The following CENPE variants were observed in gnomAD, a reference collection of about 807,000 sequenced individuals.
CENPE encodes the protein centromere protein E.
CENPE carries 145 observed loss-of-function variants against 336.1 expected under a neutral mutation model. The observed-to-expected ratio is 0.43, with a 90% CI of 0.38 to 0.50. The LOEUF is 0.50. Ranked by LOEUF, CENPE falls within the 20% of genes least tolerant of loss-of-function variation. The pLI, the probability that CENPE is intolerant of heterozygous loss-of-function variation, is 0.00. For synonymous variants in CENPE, 1,013 were observed against 984.8 expected, an observed-to-expected ratio of 1.03 and a Z score of -0.54; for missense variants, 2,719 against 3,023.3, an observed-to-expected ratio of 0.90 and a Z score of 2.36.
intron 2 of CENPE, 145 bp from the exon 3 acceptor site, chr4:103,196,397 A>G: frequency 1.4e-6 from 1 of 693,088 alleles, no homozygotes; most frequent in Non-Finnish European, 2.4e-6. Flanking sequence ...ATTTTTTTCA[A>G]CTTTTTGGTT....
chr4:103,173,698 C>T (rs1755619188), intron 16 of CENPE, among the ~76,000 whole-genome samples: 1 of 124,014 alleles, frequency 8.1e-6, no homozygotes. Context: ...AAAAAAACCC[C>T]CAAACAACCC....
chr4:103,158,995 G>A lies in CENPE; in HGVS notation c.2601+15C>T. 1 of 1,531,484 alleles carries A rather than the reference G, an allele frequency of 6.5e-7. No homozygotes were observed. The highest frequency in any genetic ancestry group is 8.7e-7 in the Non-Finnish European group (1 of 1,146,476). 94.9% of individuals were successfully genotyped at this position (1,531,484 alleles called of 1,614,324 possible). ...AGACTAAGGAGCATTTCTCAAAATA[G>A]CATCTTGTACCAACCTCGGTCTTCA... On this transcript the variant is annotated intron_variant, in intron 22 of 48. Coordinates refer to ENST00000265148, the MANE Select transcript of CENPE (RefSeq NM_001813.3).
chr4:103,188,213 A>C (rs1260504378), intron 8 of CENPE, among the ~76,000 whole-genome samples: 2 of 152,212 alleles, frequency 1.3e-5, no homozygotes, highest in Non-Finnish European at 2.9e-5. Flanking sequence ...TTAACACCCC[A>C]CTGTCAACGT....
At chr4:103,193,393 A>G (rs1757511690) in intron 8 of CENPE, among the ~76,000 whole-genome samples, 1 of 152,158 alleles carries the variant, frequency 6.6e-6, no homozygotes, top group East Asian at 1.9e-4. Context: ...GTAATTAATA[A>G]TCTAATTTTA....
chr4:103,149,157 T>G lies in CENPE; in HGVS notation c.3648A>C (p.Arg1216Ser). Residue 1216 changes from arginine (R) to serine (S), a missense_variant, in exon 27 of 49, where the codon AGA (arginine) becomes AGC (serine). By Grantham distance (110) the Arg-to-Ser change is moderately radical. Around this residue, in one of 5 missense-constraint regions of CENPE, gnomAD observed 2,437 missense variants for 2,513.3 expected, o/e 0.97. Transcript: ENST00000265148. Reference protein sequence around the residue: ...KELQKSFETERDHLRGYIREI... With the variant: ...KELQKSFETESDHLRGYIREI... ...CTCTTATATATCCTCTAAGGTGGTC[T>G]CTCTCTGTTTCAAATGACTTCTGTA... 1 of 1,606,952 alleles carries G rather than the reference T, an allele frequency of 6.2e-7. No individual in the cohort carries two copies. The highest frequency in any genetic ancestry group is 8.5e-7 in the Non-Finnish European group (1 of 1,178,808).
At position 103,147,619 on chromosome 4, in the gene CENPE, A is replaced by G; in HGVS notation, c.3871T>C (p.Leu1291=). 1 of 1,612,548 alleles carries G rather than the reference A, an allele frequency of 6.2e-7. No homozygotes were observed. The highest frequency in any genetic ancestry group is 8.5e-7 in the Non-Finnish European group (1 of 1,179,884). ...EIPVLHEEQE[L]LPNVKEVSET... is the part of the protein sequence containing the mutation. ...CTGACTTCTTTCACATTAGGCAGTA[A>G]CTCTTGTTCCTCATGAAGCACTGGG... Residue 1291 remains leucine (L), a synonymous_variant, in exon 29 of 49, where the codon TTA becomes CTA. Coordinates refer to ENST00000265148, the MANE Select transcript of CENPE (RefSeq NM_001813.3).
In CENPE at chr4:103,166,257, C is replaced by G. The variant is rs544561144; in HGVS notation, c.1648-2704G>C. Among the ~76,000 whole-genome samples the G allele has an allele frequency of 2.6e-5, 4 of 152,296 alleles. No homozygotes were observed. The East Asian group carries it at 7.7e-4, about 29-fold the overall frequency. On this transcript the variant is annotated intron_variant, in intron 16 of 48. Coordinates refer to ENST00000265148, the MANE Select transcript of CENPE (RefSeq NM_001813.3). ...TACAGGAAGCCCTGAGATTCAGTGA[C>G]TTGCCCAAGGCCTTGGCAACAATTC...
chr4:103,191,830 GA>G (rs760078154), intron 8 of CENPE, among the ~76,000 whole-genome samples: 5 of 150,568 alleles, frequency 3.3e-5, no homozygotes, highest in East Asian at 1.9e-4. Flanking sequence ...CGTAAAACTG[GA>G]AAAAAAAAGA....
At chr4:103,172,934 A>G (rs1372427995) in intron 16 of CENPE, among the ~76,000 whole-genome samples, 2 of 152,090 alleles carry the variant, frequency 1.3e-5, no homozygotes, top group Middle Eastern at 3.2e-3. Flanking sequence ...CATATTGCCC[A>G]AAGTGATCCA....
intron 42 of CENPE, among the ~76,000 whole-genome samples, chr4:103,129,969 T>C (rs1256456899): frequency 1.3e-5 from 2 of 152,276 alleles, no homozygotes; most frequent in East Asian, 3.9e-4. Flanking sequence ...CAAAATCCAA[T>C]ACCCATTCAT....
chr4:103,159,730 T>C (rs1030542440), intron 21 of CENPE, among the ~76,000 whole-genome samples: 9 of 151,914 alleles, frequency 5.9e-5, no homozygotes, highest in African/African-American at 2.2e-4. Context: ...ATGAATAATT[T>C]AAGTAATGTT....
At position 103,143,424 on chromosome 4, in the gene CENPE, T is replaced by G. The variant is rs1315107228; in HGVS notation, c.5146-18A>C. The G allele has an allele frequency of 6.7e-7, 1 of 1,495,230 alleles. No individual in the cohort carries two copies. Among genetic ancestry groups the G allele is most frequent in the South Asian group, 1.1e-5 (1 of 87,384 alleles). 92.6% of individuals were successfully genotyped at this position (1,495,230 alleles called of 1,614,324 possible). On this transcript the variant is annotated intron_variant, in intron 33 of 48. Transcript: ENST00000265148. ...TCTAGGTCCTTTATCAATAGAAAAATAAAAATAATACATTGAGAGTAGTAC... is the reference window on the plus strand; with the variant it reads ...TCTAGGTCCTTTATCAATAGAAAAAGAAAAATAATACATTGAGAGTAGTAC...
chr4:103,120,926 G>T (rs1402741122), intron 43 of CENPE, among the ~76,000 whole-genome samples: 1 of 152,058 alleles, frequency 6.6e-6, no homozygotes, highest in Admixed American at 6.5e-5. Context: ...AGTAGAGACG[G>T]GGTTTCACCA....
rs1752507296 is a variant in CENPE at position 103,140,969 on chromosome 4, C to G, written c.5599G>C (p.Glu1867Gln). 2.5e-6 allele frequency: 4 copies of G among 1,612,158 alleles called. No individual in the cohort carries two copies. The African/African-American group carries it at 4.0e-5, about 16-fold the overall frequency. ...TGAGCCAAATTTAAATTCTCTATTTCTAATTTACTCAGAGTTAAGCTTTGG... is the reference window on the plus strand; with the variant it reads ...TGAGCCAAATTTAAATTCTCTATTTGTAATTTACTCAGAGTTAAGCTTTGG... The part of the protein sequence containing the change: ...KDQSLTLSKL[E>Q]IENLNLAQKL... The change falls in exon 36 of 49, where the codon GAA (glutamate) becomes CAA (glutamine). Residue 1867 changes from glutamate (E) to glutamine (Q), a missense_variant. By Grantham distance (29) the Glu-to-Gln change is conservative. Coordinates refer to ENST00000265148, the MANE Select transcript of CENPE (RefSeq NM_001813.3).
intron 39 of CENPE, 152 bp from the exon 40 acceptor site, chr4:103,136,511 CTTG>C (rs1296013276): frequency 1.4e-5 from 7 of 512,416 alleles, no homozygotes; most frequent in Middle Eastern, 5.1e-4. Context: ...AAAGGAAACT[CTTG>C]TTGTCATTTT....
chr4:103,140,184 T>C (rs900574187), intron 37 of CENPE, 72 bp downstream of exon 37: 3 of 1,473,460 alleles, frequency 2.0e-6, no homozygotes, highest in Non-Finnish European at 2.8e-6. Flanking sequence ...CATATCTGTA[T>C]CTATATCTTT....
intron 18 of CENPE, among the ~76,000 whole-genome samples, chr4:103,162,104 A>G (rs771700908): frequency 2.6e-4 from 40 of 151,928 alleles, no homozygotes; most frequent in Non-Finnish European, 5.6e-4. Context: ...TTGCCACGCT[A>G]TGAACAGACA....
intron 34 of CENPE, 136 bp downstream of exon 34, chr4:103,143,112 C>A: frequency 4.2e-6 from 2 of 474,110 alleles, no homozygotes; most frequent in Non-Finnish European, 7.4e-6. Context: ...ATAAAAAGAT[C>A]AATGATAGTT....
rs1245137202 is a variant in CENPE, at chr4:103,150,701, T to C, written c.3396+518A>G. ...CTTAGCTTATATAGAAAGATCTCTA[T>C]GGGTGCATTTTAGAATCTCTTGGGA... On this transcript the variant is annotated intron_variant, in intron 26 of 48. Coordinates refer to ENST00000265148, the MANE Select transcript of CENPE (RefSeq NM_001813.3). 2.6e-5 allele frequency among the ~76,000 whole-genome samples: 4 copies of C among 152,196 alleles called. No individual in the cohort carries two copies. The East Asian group carries it at 5.8e-4, about 22-fold the overall frequency.
Sources: gnomAD v4.1 joint callset for allele counts (sites outside exome capture counted in the v4.1 genomes callset) on GRCh38, gnomAD v4.1.1 for gene constraint, gnomAD v4.1.1 regional missense constraint, MANE v1.5 for transcripts, NCBI Gene and HGNC (gene_info 2026-07-23, HGNC 2026-07-21) for gene names.